SYT1: variants seen among roughly 807,000 people sequenced by gnomAD.
The protein encoded by SYT1 is synaptotagmin-1.
SYT1 carries 8 observed loss-of-function variants against 44.8 expected under a neutral mutation model. That is an observed-to-expected ratio of 0.18 (90% CI 0.10 to 0.32). The LOEUF (loss-of-function observed/expected upper bound fraction) is 0.32, where lower values mean the gene tolerates loss of function less well. SYT1 is among the 10% of genes least tolerant of loss of function. The pLI is 1.00. For missense variants in SYT1, 286 were observed against 509.3 expected, an observed-to-expected ratio of 0.56 and a Z score of 4.22; for synonymous variants, 154 against 188.8, an observed-to-expected ratio of 0.82 and a Z score of 1.51.
At chr12:78,912,778 A>G (rs1393277995) in intron 1 of SYT1, among the ~76,000 whole-genome samples, 1 of 151,976 alleles carries the variant, frequency 6.6e-6, no homozygotes, top group Non-Finnish European at 1.5e-5. Flanking sequence ...TATAATAAGC[A>G]GGAGAAAATG....
At chr12:79,230,448 T>G (rs1875804542) in intron 4 of SYT1, among the ~76,000 whole-genome samples, 1 of 152,118 alleles carries the variant, frequency 6.6e-6, no homozygotes, top group Non-Finnish European at 1.5e-5. Context: ...GTTGACAAAT[T>G]TTATTAATTT....
intron 4 of SYT1, among the ~76,000 whole-genome samples, chr12:79,257,520 G>A (rs1026328534): frequency 2.6e-5 from 4 of 152,014 alleles, no homozygotes; most frequent in South Asian, 4.2e-4. Context: ...TCGCTCTGTC[G>A]CCCAGGCCGG....
chr12:79,172,212 T>C (rs1871570283), intron 3 of SYT1, among the ~76,000 whole-genome samples: 1 of 151,958 alleles, frequency 6.6e-6, no homozygotes, highest in Non-Finnish European at 1.5e-5. Flanking sequence ...AACTAGACAG[T>C]TAAACTTCTC....
rs1279583823 is a variant in SYT1 at position 78,965,532 on chromosome 12, C to A, written c.-216-12267C>A. 2.6e-5 allele frequency among the ~76,000 whole-genome samples: 4 copies of A among 152,176 alleles called. No individual in the cohort carries two copies. In the East Asian group the frequency reaches 7.7e-4, roughly 29 times the overall value. ...AATCTACATCTAGTGCTAATACTTA[C>A]AATCTTTACAATTATAACCTAGTAA... is the stretch of plus-strand genomic sequence containing the variant. On this transcript the variant is annotated intron_variant, in intron 1 of 10. Transcript: ENST00000261205.
intron 4 of SYT1, among the ~76,000 whole-genome samples, chr12:79,220,727 T>C (rs1476581249): frequency 2.0e-5 from 3 of 152,142 alleles, no homozygotes; most frequent in African/African-American, 7.2e-5. Flanking sequence ...TCCATGTATT[T>C]GTGCATTTTT....
chr12:79,451,547 A>G lies in SYT1; in HGVS notation c.*2423A>G, dbSNP rs1871059481. On this transcript the variant is annotated 3_prime_UTR_variant, in exon 11 of 11. Coordinates refer to ENST00000261205, the MANE Select transcript of SYT1 (RefSeq NM_005639.3). ...TCTTGCATTAAAATACCACTAATGC[A>G]TTCTCTTGCAACACTGCCAGACATG... is the stretch of plus-strand genomic sequence containing the variant. 1.3e-5 allele frequency: 2 copies of G among 152,242 alleles called. No homozygotes were observed. Among genetic ancestry groups the G allele is most frequent in the Non-Finnish European group, 2.9e-5 (2 of 68,034 alleles). 9.4% of individuals were successfully genotyped at this position (152,242 alleles called of 1,614,324 possible). A position where few individuals can be genotyped will look rare whatever the true frequency, so the allele number is the denominator to read the frequency against.
intron 3 of SYT1, among the ~76,000 whole-genome samples, chr12:79,131,745 GA>G (rs1428121704): frequency 6.6e-6 from 1 of 152,062 alleles, no homozygotes; most frequent in African/African-American, 2.4e-5. Flanking sequence ...AATCTATACT[GA>G]TAATATATTT....
intron 1 of SYT1, among the ~76,000 whole-genome samples, chr12:78,971,605 A>G (rs912641078): frequency 1.3e-5 from 2 of 152,168 alleles, no homozygotes; most frequent in African/African-American, 4.8e-5. Context: ...TTTTCCTAAC[A>G]TTTTTGATAA....
At chr12:79,068,988 T>G (rs537557518) in intron 3 of SYT1, among the ~76,000 whole-genome samples, 14 of 152,304 alleles carry the variant, frequency 9.2e-5, no homozygotes, top group African/African-American at 3.1e-4. Flanking sequence ...TCCATCTATG[T>G]CAGAGAGAAG....
intron 8 of SYT1, among the ~76,000 whole-genome samples, chr12:79,349,052 AGAAAGGAGGGAG>A (rs1214281286): frequency 4.4e-4 from 61 of 138,182 alleles, no homozygotes; most frequent in African/African-American, 1.3e-3. Flanking sequence ...AAAGAAAGAA[AGAAAGGAGGGAG>A]GGAGGGAGGG....
intron 2 of SYT1, among the ~76,000 whole-genome samples, chr12:78,981,485 G>A (rs1043715007): frequency 6.6e-6 from 1 of 152,162 alleles, no homozygotes; most frequent in Non-Finnish European, 1.5e-5. Context: ...GAAAGCAGCT[G>A]TGTAGAGGAA....
Position 78,984,312 on chromosome 12 carries a change from AG to A in SYT1, c.-84+6382del, listed in dbSNP as rs374750056. Among the ~76,000 whole-genome samples, 32 of 152,116 alleles carry A rather than the reference AG, an allele frequency of 2.1e-4. 1 individual carries two copies. Among genetic ancestry groups the A allele is most frequent in the African/African-American group, 7.7e-4 (32 of 41,554 alleles). On this transcript the variant is annotated intron_variant, in intron 2 of 10. Coordinates refer to ENST00000261205, the MANE Select transcript of SYT1 (RefSeq NM_005639.3). ...AACACAGTGGTATATTTACCATTGC[AG>A]TATGCCAGTTTTGTTTATTTTTTAT...
At chr12:79,244,029 T>TA (rs1482692157) in intron 4 of SYT1, among the ~76,000 whole-genome samples, 1 of 152,180 alleles carries the variant, frequency 6.6e-6, no homozygotes, top group African/African-American at 2.4e-5. Flanking sequence ...AGAAAGTTGT[T>TA]ATATATTTTA....
At chr12:79,375,271 G>A (rs762781986) in intron 9 of SYT1, among the ~76,000 whole-genome samples, 12 of 152,122 alleles carry the variant, frequency 7.9e-5, no homozygotes, top group Non-Finnish European at 1.5e-4. Context: ...TGGAGATTTC[G>A]TGGGCGCTTC....
chr12:79,080,845 C>A (rs534163521), intron 3 of SYT1, among the ~76,000 whole-genome samples: 1 of 152,142 alleles, frequency 6.6e-6, no homozygotes, highest in South Asian at 2.1e-4. Context: ...TTCAATACTT[C>A]GTCAAAACAG....
chr12:79,034,272 A>C lies in SYT1; in HGVS notation c.-83-13025A>C, dbSNP rs1872990225. On this transcript the variant is annotated intron_variant, in intron 2 of 10. Coordinates refer to ENST00000261205, the MANE Select transcript of SYT1 (RefSeq NM_005639.3). Reference sequence around the variant, plus strand: ...TTTCAGAAATCTAAGATACCTCAATAAATTAGTAAATCTGTTCTCTTTCCT... The same window carrying C: ...TTTCAGAAATCTAAGATACCTCAATCAATTAGTAAATCTGTTCTCTTTCCT... 3.3e-5 allele frequency among the ~76,000 whole-genome samples: 5 copies of C among 151,588 alleles called. No homozygotes were observed. In the South Asian group the frequency reaches 1.0e-3, roughly 31 times the overall value.
intron 3 of SYT1, among the ~76,000 whole-genome samples, chr12:79,061,314 C>CTCA (rs1057394869): frequency 1.3e-5 from 2 of 151,990 alleles, no homozygotes; most frequent in African/African-American, 4.8e-5. Context: ...CAGAGACACG[C>CTCA]TCATATACAC....
intron 1 of SYT1, among the ~76,000 whole-genome samples, chr12:78,931,224 AAAGAAAGAAAGAAAGAAGGAAGGAAGG>A (rs1565723340): frequency 3.3e-5 from 2 of 61,022 alleles, no homozygotes; most frequent in African/African-American, 9.1e-5. Context: ...AGAAAGAAAG[AAAGAAAGAAAGAAAGAAGGAAGGAAGG>A]AAGGAAGGAA....
At chr12:79,023,906 T>C (rs899507180) in intron 2 of SYT1, among the ~76,000 whole-genome samples, 2 of 151,688 alleles carry the variant, frequency 1.3e-5, no homozygotes, top group Non-Finnish European at 2.9e-5. Context: ...AAGTATGTAC[T>C]TCCTAAGAAT....
Sources: gnomAD v4.1 joint callset for allele counts (sites outside exome capture counted in the v4.1 genomes callset) on GRCh38, gnomAD v4.1.1 for gene constraint, MANE v1.5 for transcripts, NCBI Gene and HGNC (gene_info 2026-07-23, HGNC 2026-07-21) for gene names.